Variants in SRRM3 observed in about 807,000 individuals in gnomAD.
SRRM3 encodes serine/arginine repetitive matrix protein 3.
In SRRM3, 27 loss-of-function variants were observed where a neutral mutation model predicts 66.2. The ratio of observed to expected loss-of-function variants is 0.41; its 90% CI spans 0.30 to 0.56. The LOEUF (loss-of-function observed/expected upper bound fraction) is 0.56. Ranked by LOEUF, SRRM3 falls within the 20% of genes least tolerant of loss-of-function variation. The probability of loss-of-function intolerance (pLI) is 0.32; values close to 1 mark genes in which losing one functional copy is unlikely to be tolerated. For synonymous variants in SRRM3, 391 were observed against 414.9 expected (o/e 0.94, Z 0.70); for missense variants, 918 against 991.9 (o/e 0.93, Z 1.00).
intron 8 of SRRM3, among the ~76,000 whole-genome samples, chr7:76,263,480 C>T (rs1018106455): frequency 3.3e-5 from 5 of 152,092 alleles, no homozygotes; most frequent in Non-Finnish European, 5.9e-5. Flanking sequence ...GGGGGCTTGC[C>T]CCAGAGGGCT....
intron 1 of SRRM3, among the ~76,000 whole-genome samples, chr7:76,209,191 A>G (rs1295327332): frequency 6.6e-6 from 1 of 152,190 alleles, no homozygotes; most frequent in African/African-American, 2.4e-5. Flanking sequence ...TCGACATTTA[A>G]TGAGGGCCTC....
At chr7:76,267,137 A>T (rs1449450784) in intron 10 of SRRM3, 121 bp from the exon 11 acceptor site, 2 of 940,554 alleles carry the variant, frequency 2.1e-6, no homozygotes, top group Non-Finnish European at 2.9e-6. Context: ...GCATGGTGAA[A>T]AGGCAGGTGG....
At chr7:76,265,777 ATATATATT>A (rs1239601687) in intron 10 of SRRM3, among the ~76,000 whole-genome samples, 1 of 126,292 alleles carries the variant, frequency 7.9e-6, no homozygotes, top group African/African-American at 3.1e-5. Context: ...TTTAATATTT[ATATATATT>A]TATATATTTA....
chr7:76,235,189 C>T lies in SRRM3; in HGVS notation c.123C>T (p.Ala41=). The change falls in exon 2 of 15, where the codon GCC becomes GCT. Residue 41 remains alanine (A), a synonymous_variant. Transcript: ENST00000611745. ...TWPRAEEELR[A]AEPGLVKRAH... The stretch of plus-strand genomic sequence containing the variant: ...CGCGGGCGGAAGAGGAGCTGCGCGC[C>T]GCGGAGCCGGGCCTGGTGAAGCGCG... 3 of 1,549,146 alleles carry T rather than the reference C, an allele frequency of 1.9e-6. No homozygotes were observed. The highest frequency in any genetic ancestry group is 2.6e-6 in the Non-Finnish European group (3 of 1,155,664).
chr7:76,254,431 G>A (rs1323137070), intron 3 of SRRM3, among the ~76,000 whole-genome samples: 1 of 152,128 alleles, frequency 6.6e-6, no homozygotes, highest in African/African-American at 2.4e-5. Flanking sequence ...TGATTCTCCT[G>A]CCTCAGCCTC....
chr7:76,204,265 C>G (rs1289105699), intron 1 of SRRM3, among the ~76,000 whole-genome samples: 2 of 152,148 alleles, frequency 1.3e-5, no homozygotes, highest in African/African-American at 4.8e-5. Flanking sequence ...CATAGCTCTT[C>G]CTGTCTCAGA....
intron 2 of SRRM3, among the ~76,000 whole-genome samples, chr7:76,242,849 T>C (rs972501156): frequency 5.9e-5 from 9 of 152,162 alleles, no homozygotes; most frequent in Non-Finnish European, 1.2e-4. Flanking sequence ...CAGGTGGTAA[T>C]GGGAGTGATA....
Position 76,235,297 on chromosome 7 carries a change from G to C in SRRM3, c.231G>C (p.Gln77His), listed in dbSNP as rs1181264109. The C allele has an allele frequency of 1.3e-6, 2 of 1,509,092 alleles. No individual in the cohort carries two copies. The highest frequency in any genetic ancestry group is 1.4e-5 in the African/African-American group (1 of 71,314). The allele number at this position is 1,509,092 out of a possible 1,614,324, so 93.5% of individuals were successfully genotyped here. ...AGCTGCAGGAGATGATGGAGGAGCA[G>C]GGGTGAGCAGGCCGCGGGGCGGGAC... ...CMELQEMMEE[Q>H]GYSEEEIRQK... The change falls in exon 2 of 15, where the codon CAG becomes CAC. Residue 77 changes from glutamine (Q) to histidine (H), a missense_variant and splice_region_variant. Coordinates refer to ENST00000611745, the MANE Select transcript of SRRM3 (RefSeq NM_001110199.3).
At chr7:76,263,918 T>G in intron 8 of SRRM3, among the ~76,000 whole-genome samples, 1 of 133,412 alleles carries the variant, frequency 7.5e-6, no homozygotes, top group African/African-American at 2.9e-5. Flanking sequence ...AGGGACATCA[T>G]GCCCTTGGGA....
At chr7:76,219,544 G>C (rs1163875297) in intron 1 of SRRM3, among the ~76,000 whole-genome samples, 2 of 152,186 alleles carry the variant, frequency 1.3e-5, no homozygotes, top group Admixed American at 1.3e-4. Flanking sequence ...CCAAATCTTT[G>C]CTCCAGGAAC....
At chr7:76,248,079 AGT>A in intron 2 of SRRM3, 107 bp from the exon 3 acceptor site, 1 of 758,198 alleles carries the variant, frequency 1.3e-6, no homozygotes, top group Non-Finnish European at 2.3e-6. Context: ...TGCAAGCCGG[AGT>A]GTGCACTTGT....
intron 3 of SRRM3, among the ~76,000 whole-genome samples, chr7:76,254,946 A>T (rs1801670286): frequency 6.6e-6 from 1 of 151,966 alleles, no homozygotes; most frequent in Admixed American, 6.6e-5. Flanking sequence ...GCTCTGTACA[A>T]GCTGGGGGAT....
chr7:76,265,855 TA>T (rs1215838774), intron 10 of SRRM3, among the ~76,000 whole-genome samples: 707 of 9,828 alleles, frequency 0.072, 43 homozygotes, highest in East Asian at 0.22. Context: ...TATATATATA[TA>T]TATTTTTTTT....
chr7:76,285,968 G>A lies in SRRM3; in HGVS notation c.*125G>A, dbSNP rs1234008098. 1 of 1,071,740 alleles carries A rather than the reference G, an allele frequency of 9.3e-7. No individual in the cohort carries two copies. The highest frequency in any genetic ancestry group is 1.3e-6 in the Non-Finnish European group (1 of 752,046). The allele number at this position is 1,071,740 out of a possible 1,614,324, so 66.4% of individuals were successfully genotyped here. Reference sequence around the variant, plus strand: ...AGGCTACAAAGAGGTCTCAGGGCCAGTGCACGGGCAGATGGGACCGGGGAA... The same window carrying A: ...AGGCTACAAAGAGGTCTCAGGGCCAATGCACGGGCAGATGGGACCGGGGAA... On this transcript the variant is annotated 3_prime_UTR_variant, in exon 15 of 15. Transcript: ENST00000611745. This position sits in a 1 kb window ranked among gnomAD's most constrained non-coding sequence, Gnocchi z 4.1.
In SRRM3 at chr7:76,265,371, A is replaced by G; in HGVS notation, c.733A>G (p.Thr245Ala). The change falls in exon 10 of 15, where the codon ACA becomes GCA. Residue 245 changes from threonine to alanine, a missense_variant. By Grantham distance (58) the Thr-to-Ala change is moderately conservative (BLOSUM62 0). Coordinates refer to ENST00000611745, the MANE Select transcript of SRRM3 (RefSeq NM_001110199.3). ...TTCCCCCATCCACGCCAGGCCTCAC[A>G]CAGAGTCCCCAGGCCGGAGGTCTCA... ...EKNKEKKRPH[T>A]ESPGRRSHRH... 1 of 1,597,710 alleles carries G rather than the reference A, an allele frequency of 6.3e-7. No individual in the cohort carries two copies. The highest frequency in any genetic ancestry group is 8.5e-7 in the Non-Finnish European group (1 of 1,172,716).
At chr7:76,209,167 G>T (rs914084127) in intron 1 of SRRM3, among the ~76,000 whole-genome samples, 2 of 152,164 alleles carry the variant, frequency 1.3e-5, no homozygotes, top group South Asian at 4.1e-4. Flanking sequence ...CTTTGAGGGG[G>T]TTAGACTATA....
chr7:76,218,638 T>C (rs1221403225), intron 1 of SRRM3, among the ~76,000 whole-genome samples: 1 of 151,732 alleles, frequency 6.6e-6, no homozygotes, highest in Non-Finnish European at 1.5e-5. Flanking sequence ...TACAGATCTG[T>C]CTACTAGGTT....
chr7:76,230,853 C>T (rs1394548489), intron 1 of SRRM3, among the ~76,000 whole-genome samples: 12 of 151,370 alleles, frequency 7.9e-5, no homozygotes, highest in Admixed American at 6.6e-4. Flanking sequence ...CAGGTTCAAG[C>T]GATTCTCGTG....
At chr7:76,252,112 G>A (rs1801594953) in intron 3 of SRRM3, among the ~76,000 whole-genome samples, 1 of 152,064 alleles carries the variant, frequency 6.6e-6, no homozygotes, top group African/African-American at 2.4e-5. Flanking sequence ...AAGAAAACAT[G>A]AAAATTTAAG....
Sources: allele counts gnomAD v4.1 joint callset (sites outside exome capture counted in the v4.1 genomes callset), GRCh38; gene constraint gnomAD v4.1.1; non-coding constraint Gnocchi (gnomAD v3.1); transcripts MANE v1.5; gene names NCBI Gene and HGNC (gene_info 2026-07-23, HGNC 2026-07-21).